CPD: variants seen among roughly 807,000 people sequenced by gnomAD.
CPD encodes carboxypeptidase D.
Under a neutral mutation model 138.3 loss-of-function variants are expected in CPD, and 69 were observed. That is an observed-to-expected ratio of 0.50 (90% confidence interval 0.41 to 0.61). The LOEUF is 0.61. Ranked by LOEUF, CPD falls within the 20% of genes least tolerant of loss-of-function variation. The pLI, the probability that CPD is intolerant of heterozygous loss-of-function variation, is 0.00. For missense variants in CPD, 1,432 were observed against 1,733.3 expected, an observed-to-expected ratio of 0.83 and a Z score of 3.09; for synonymous variants, 651 against 642.1, an observed-to-expected ratio of 1.01 and a Z score of -0.21.
chr17:30,385,620 A>T (rs1911165160), intron 2 of CPD, among the ~76,000 whole-genome samples: 2 of 151,984 alleles, frequency 1.3e-5, no homozygotes, highest in African/African-American at 4.8e-5. Flanking sequence ...TGTATTTCCC[A>T]AGTACAGGGA....
chr17:30,418,189 T>C (rs78390443), intron 2 of CPD, among the ~76,000 whole-genome samples: 2 of 149,194 alleles, frequency 1.3e-5, no homozygotes, highest in South Asian at 2.1e-4. Context: ...CATTTTTTTC[T>C]TTTTTTTTCC....
intron 2 of CPD, among the ~76,000 whole-genome samples, chr17:30,388,397 G>A (rs1043011794): frequency 6.6e-6 from 1 of 152,202 alleles, no homozygotes; most frequent in African/African-American, 2.4e-5. Context: ...AGGGGCACCT[G>A]CAAGCCAGTG....
At chr17:30,398,245 GAAT>G (rs1388429116) in intron 2 of CPD, among the ~76,000 whole-genome samples, 2 of 147,296 alleles carry the variant, frequency 1.4e-5, no homozygotes, top group African/African-American at 5.2e-5. Context: ...GAACAGAATA[GAAT>G]AATAGAATAG....
At chr17:30,410,030 G>A (rs1911920214) in intron 2 of CPD, among the ~76,000 whole-genome samples, 1 of 152,148 alleles carries the variant, frequency 6.6e-6, no homozygotes, top group Non-Finnish European at 1.5e-5. Flanking sequence ...TGCTTTAAAT[G>A]TGTCCTAGAG....
At chr17:30,438,144 T>C (rs1336429905) in intron 8 of CPD, among the ~76,000 whole-genome samples, 2 of 151,874 alleles carry the variant, frequency 1.3e-5, no homozygotes, top group African/African-American at 2.4e-5. Context: ...CTGTCCCTGT[T>C]TATATATTTT....
At chr17:30,381,766 G>T (rs1911055002) in intron 1 of CPD, among the ~76,000 whole-genome samples, 1 of 152,176 alleles carries the variant, frequency 6.6e-6, no homozygotes, top group African/African-American at 2.4e-5. Context: ...ACCTTTTTCA[G>T]TGTATTTTGT....
At chr17:30,438,083 G>A (rs1357948329) in intron 8 of CPD, among the ~76,000 whole-genome samples, 1 of 143,186 alleles carries the variant, frequency 7.0e-6, no homozygotes, top group African/African-American at 2.6e-5. Flanking sequence ...AGCTCAAGCA[G>A]TTCTCCAACC....
intron 17 of CPD, among the ~76,000 whole-genome samples, chr17:30,457,603 A>G (rs1809906261): frequency 6.6e-6 from 1 of 151,166 alleles, no homozygotes; most frequent in African/African-American, 2.4e-5. Flanking sequence ...TACATTCCTT[A>G]CCAGCAATGT....
chr17:30,465,004 C>T lies in CPD; in HGVS notation c.*190C>T. ...CTTCCCTTCCTTAAAGTACTCTAAA[C>T]CTTTAAAAAAAAATCTGATTTATGC... is the stretch of plus-strand genomic sequence containing the variant. On this transcript the variant is annotated 3_prime_UTR_variant, in exon 21 of 21. Coordinates refer to ENST00000225719, the MANE Select transcript of CPD (RefSeq NM_001304.5). 1 of 564,488 alleles carries T rather than the reference C, an allele frequency of 1.8e-6. No individual in the cohort carries two copies. The highest frequency in any genetic ancestry group is 3.1e-6 in the Non-Finnish European group (1 of 318,128). The allele number at this position is 564,488 out of a possible 1,614,324, so 35.0% of individuals were successfully genotyped here. A position where few individuals can be genotyped will look rare whatever the true frequency, so the allele number is the denominator to read the frequency against.
chr17:30,412,886 C>G (rs775570407), intron 2 of CPD, among the ~76,000 whole-genome samples: 7 of 152,188 alleles, frequency 4.6e-5, no homozygotes, highest in Non-Finnish European at 1.0e-4. Flanking sequence ...TGGGCTGCAC[C>G]CACTGTCCAA....
At chr17:30,437,808 A>C (rs1054141050) in intron 8 of CPD, among the ~76,000 whole-genome samples, 28 of 152,196 alleles carry the variant, frequency 1.8e-4, no homozygotes, top group African/African-American at 6.5e-4. Flanking sequence ...TATAATTGGC[A>C]TATTAAGTTT....
At position 30,466,666 on chromosome 17, in the gene CPD, C is replaced by T. The variant is rs1259787012; in HGVS notation, c.*1852C>T. On this transcript the variant is annotated 3_prime_UTR_variant, in exon 21 of 21. Coordinates refer to ENST00000225719, the MANE Select transcript of CPD (RefSeq NM_001304.5). The stretch of plus-strand genomic sequence containing the variant: ...ATTTTTAAGAGTACAGTCAGGAAAC[C>T]AACAAGGGGCCTAAGAGTGGCTGCC... 1 of 152,498 alleles carries T rather than the reference C, an allele frequency of 6.6e-6. No individual in the cohort carries two copies. Among genetic ancestry groups the T allele is most frequent in the Non-Finnish European group, 1.5e-5 (1 of 68,002 alleles). 9.4% of individuals were successfully genotyped at this position (152,498 alleles called of 1,614,324 possible). A position where few individuals can be genotyped will look rare whatever the true frequency, so the allele number is the denominator to read the frequency against.
intron 2 of CPD, among the ~76,000 whole-genome samples, chr17:30,414,522 G>A (rs1359044736): frequency 6.6e-6 from 1 of 151,900 alleles, no homozygotes; most frequent in East Asian, 1.9e-4. Flanking sequence ...GGCAGAGCTT[G>A]CAGTGAGCTG....
chr17:30,463,235 CT>C (rs1198573104), intron 20 of CPD, among the ~76,000 whole-genome samples: 1 of 152,212 alleles, frequency 6.6e-6, no homozygotes, highest in Non-Finnish European at 1.5e-5. Flanking sequence ...CTAGCTACCC[CT>C]GTCACTATCT....
At chr17:30,462,975 A>G (rs1913531167) in intron 20 of CPD, among the ~76,000 whole-genome samples, 1 of 152,250 alleles carries the variant, frequency 6.6e-6, no homozygotes, top group East Asian at 1.9e-4. Context: ...TTGTGGTTTA[A>G]GAACGCCTTT....
chr17:30,453,239 T>C (rs1270962420), intron 14 of CPD, among the ~76,000 whole-genome samples: 3 of 152,184 alleles, frequency 2.0e-5, no homozygotes. Flanking sequence ...CTTCTGCCTC[T>C]GAGGCTGTAA....
chr17:30,385,072 G>A lies in CPD; in HGVS notation c.830G>A (p.Gly277Glu), dbSNP rs749464593. Reference protein sequence around the residue: ...FDDSPEHKATGIYSKTSDDEV... With the variant: ...FDDSPEHKATEIYSKTSDDEV... ...GATTCTCCAGAACATAAGGCCACTG[G>A]AATCTATAGCAAAACCTCAGATGAT... The change falls in exon 2 of 21, where the codon GGA (glycine) becomes GAA (glutamate). Residue 277 changes from glycine to glutamate, a missense_variant. Transcript: ENST00000225719. 3.1e-6 allele frequency: 5 copies of A among 1,614,036 alleles called. No homozygotes were observed. Among genetic ancestry groups the A allele is most frequent in the East Asian group, 2.2e-5 (1 of 44,876 alleles).
chr17:30,404,428 A>G (rs971422032), intron 2 of CPD, among the ~76,000 whole-genome samples: 5 of 152,174 alleles, frequency 3.3e-5, no homozygotes, highest in Admixed American at 6.5e-5. Flanking sequence ...CATGGTAAAT[A>G]TCGTGACAAT....
intron 7 of CPD, among the ~76,000 whole-genome samples, chr17:30,430,745 C>T (rs1178299363): frequency 6.6e-6 from 1 of 152,106 alleles, no homozygotes; most frequent in East Asian, 1.9e-4. Flanking sequence ...CCTCAAACTC[C>T]TGAGCTCAGG....
Sources: gnomAD v4.1 joint callset for allele counts (sites outside exome capture counted in the v4.1 genomes callset) on GRCh38, gnomAD v4.1.1 for gene constraint, MANE v1.5 for transcripts, NCBI Gene and HGNC (gene_info 2026-07-23, HGNC 2026-07-21) for gene names.